Variants in TMEM25 observed in about 807,000 individuals in gnomAD.
TMEM25 encodes the protein transmembrane protein 25.
TMEM25 carries 36 observed loss-of-function variants against 37.0 expected under a neutral mutation model. The observed-to-expected ratio is 0.97, with a 90% CI of 0.75 to 1.28. The LOEUF is 1.28. Ranked by LOEUF, TMEM25 falls within the 50% of genes most tolerant of loss-of-function variation. The pLI, the probability that TMEM25 is intolerant of heterozygous loss-of-function variation, is 0.00. For missense variants in TMEM25, 444 were observed against 477.9 expected, an observed-to-expected ratio of 0.93 and a Z score of 0.66; for synonymous variants, 197 against 203.7, an observed-to-expected ratio of 0.97 and a Z score of 0.28.
downstream of TMEM25, among the ~76,000 whole-genome samples, chr11:118,537,362 C>T (rs1951524729): frequency 6.6e-6 from 1 of 151,870 alleles, no homozygotes; most frequent in Non-Finnish European, 1.5e-5. Flanking sequence ...TTCGTAGAGA[C>T]AGGGTCTCAC....
At position 118,534,239 on chromosome 11, in the gene TMEM25, C is replaced by T; in HGVS notation, c.938-27C>T. Reference sequence around the variant, plus strand: ...GGCCTCATCAGGCACACTCCTCGTCCTGAACACTGCCCTCTTTGTCAACCA... The same window carrying T: ...GGCCTCATCAGGCACACTCCTCGTCTTGAACACTGCCCTCTTTGTCAACCA... On this transcript the variant is annotated intron_variant, in intron 7 of 8. Coordinates refer to ENST00000313236, the MANE Select transcript of TMEM25 (RefSeq NM_032780.4). This position sits in a 1 kb window ranked among gnomAD's most constrained non-coding sequence, Gnocchi z 4.6. 1 of 1,614,130 alleles carries T rather than the reference C, an allele frequency of 6.2e-7. No individual in the cohort carries two copies. The highest frequency in any genetic ancestry group is 8.5e-7 in the Non-Finnish European group (1 of 1,179,982).
At chr11:118,539,164 A>ATTTT (rs1160816224), downstream of TMEM25, among the ~76,000 whole-genome samples, 230 of 100,560 alleles carry the variant, frequency 2.3e-3, 4 homozygotes, top group East Asian at 6.1e-3. Context: ...TTGGTCATAA[A>ATTTT]TTTTTTTTTT....
At chr11:118,545,740 C>G (rs1351507384) in intron 8 of TMEM25, 43 of 1,561,154 alleles carry the variant, frequency 2.8e-5, no homozygotes, top group Non-Finnish European at 3.7e-5. Flanking sequence ...TGTCCAAAAG[C>G]CTAGAGTGTC....
chr11:118,533,113 C>A lies in TMEM25; in HGVS notation c.579C>A (p.His193Gln). The change falls in exon 4 of 9, where the codon CAC becomes CAA. Residue 193 changes from histidine to glutamine, a missense_variant. His to Gln is a conservative substitution (Grantham distance 24, BLOSUM62 0). Transcript: ENST00000313236. ...DAQNYPWLTN[H>Q]TVQLQLRSLA... ...AGAACTACCCCTGGCTCACCAACCA[C>A]ACGGTGCAGCTGCAGCTCCGCAGCC... 6.2e-7 allele frequency: 1 copy of A among 1,613,464 alleles called. No individual in the cohort carries two copies. The highest frequency in any genetic ancestry group is 8.5e-7 in the Non-Finnish European group (1 of 1,180,038).
intron 8 of TMEM25, among the ~76,000 whole-genome samples, chr11:118,542,695 C>T (rs1443785634): frequency 1.3e-5 from 2 of 151,426 alleles, no homozygotes; most frequent in Non-Finnish European, 2.9e-5. Flanking sequence ...GGCAGATCAC[C>T]TAAAGGCAGG....
At position 118,533,374 on chromosome 11, in the gene TMEM25, C is replaced by T. The variant is rs150512773; in HGVS notation, c.674-46C>T. ...GAGTAGTACCTATGGCATGTTGGGGCTGGGGCACTACCCACTTGGGACCTG... is the reference window on the plus strand; with the variant it reads ...GAGTAGTACCTATGGCATGTTGGGGTTGGGGCACTACCCACTTGGGACCTG... On this transcript the variant is annotated intron_variant, in intron 4 of 8. Coordinates refer to ENST00000313236, the MANE Select transcript of TMEM25 (RefSeq NM_032780.4). 2.8e-3 allele frequency: 4,440 copies of T among 1,610,240 alleles called. 15 individuals carry two copies. The highest frequency in any genetic ancestry group is 3.3e-3 in the Non-Finnish European group (3,875 of 1,178,576).
Position 118,534,657 on chromosome 11 carries a change from G to A in TMEM25, c.*77G>A. On this transcript the variant is annotated 3_prime_UTR_variant, in exon 9 of 9. Coordinates refer to ENST00000313236, the MANE Select transcript of TMEM25 (RefSeq NM_032780.4). The surrounding 1 kb of genome is among the most constrained non-coding windows in gnomAD (Gnocchi z 4.6). Reference sequence around the variant, plus strand: ...CTCCAAGGCATCCTCTACCTAGCTAGGTCACCAACGTGAAGAAGTTATGCC... The same window carrying A: ...CTCCAAGGCATCCTCTACCTAGCTAAGTCACCAACGTGAAGAAGTTATGCC... 6.3e-7 allele frequency: 1 copy of A among 1,578,562 alleles called. No homozygotes were observed. The highest frequency in any genetic ancestry group is 8.6e-7 in the Non-Finnish European group (1 of 1,159,632).
Position 118,533,208 on chromosome 11 carries a change from G to C in TMEM25, c.673+1G>C. 6.3e-7 allele frequency: 1 copy of C among 1,588,354 alleles called. No homozygotes were observed. The highest frequency in any genetic ancestry group is 8.5e-7 in the Non-Finnish European group (1 of 1,171,024). The stretch of plus-strand genomic sequence containing the variant: ...ACCAGTGCGTCGCTTCCAGCCCCAG[G>C]TGAGCATGGCCAGCAAGCGGCCCTG... On this transcript the variant is annotated splice_donor_variant, in intron 4 of 8. Coordinates refer to ENST00000313236, the MANE Select transcript of TMEM25 (RefSeq NM_032780.4). LOFTEE classifies it high-confidence loss of function.
chr11:118,546,196 C>T (rs1555067108), exon 9 of TMEM25: 1 of 717,682 alleles, frequency 1.4e-6, no homozygotes, highest in Non-Finnish European at 2.6e-6. Context: ...GAAGAGACCC[C>T]TCAGAAGAAA....
chr11:118,535,517 T>A lies in TMEM25; in HGVS notation c.*937T>A. On this transcript the variant is annotated 3_prime_UTR_variant, in exon 9 of 9. Transcript: ENST00000313236. ...ATGGTTTTTCTCTCAGCATGTCTCC[T>A]CCACCACGGGACCCCAGCCCTGACC... 1 of 1,533,644 alleles carries A rather than the reference T, an allele frequency of 6.5e-7. No homozygotes were observed. Among genetic ancestry groups the A allele is most frequent in the Non-Finnish European group, 8.7e-7 (1 of 1,145,324 alleles).
At position 118,535,616 on chromosome 11, in the gene TMEM25, TGTGGAAGC is replaced by T. The variant is rs1555062971; in HGVS notation, c.*1037_*1044del. The stretch of plus-strand genomic sequence containing the variant: ...TCGCCACAGGCACATAATTCAACAG[TGTGGAAGC>T]TTTAGGGGAACATGGAGAAAGAAGG... On this transcript the variant is annotated 3_prime_UTR_variant, in exon 9 of 9. Transcript: ENST00000313236. 9.0e-7 allele frequency: 1 copy of T among 1,116,058 alleles called. No homozygotes were observed. Among genetic ancestry groups the T allele is most frequent in the East Asian group, 8.5e-5 (1 of 11,732 alleles). The allele number at this position is 1,116,058 out of a possible 1,614,324, so 69.1% of individuals were successfully genotyped here. A position where few individuals can be genotyped will look rare whatever the true frequency, so the allele number is the denominator to read the frequency against.
chr11:118,540,654 C>G (rs1396552750), downstream of TMEM25, among the ~76,000 whole-genome samples: 1 of 152,220 alleles, frequency 6.6e-6, no homozygotes, highest in African/African-American at 2.4e-5. Flanking sequence ...TCCCAATTCT[C>G]GATACACATC....
In TMEM25 at chr11:118,534,297, GAAC is replaced by G. The variant is rs1555061837; in HGVS notation, c.974_976del (p.Asn325del). The G allele has an allele frequency of 6.2e-7, 1 of 1,614,180 alleles. No individual in the cohort carries two copies. Among genetic ancestry groups the G allele is most frequent in the Admixed American group, 1.7e-5 (1 of 60,022 alleles). On this transcript the variant is annotated inframe_deletion, in exon 8 of 9. Coordinates refer to ENST00000313236, the MANE Select transcript of TMEM25 (RefSeq NM_032780.4). This position sits in a 1 kb window ranked among gnomAD's most constrained non-coding sequence, Gnocchi z 4.6. The stretch of plus-strand genomic sequence containing the variant: ...AACCAGCAGACCGGCAGATGGCTCA[GAAC>G]AACAGCCGGCCAGAGCTTCTGGACC...
At chr11:118,541,710 G>T (rs1951581569) in intron 8 of TMEM25, among the ~76,000 whole-genome samples, 2 of 152,006 alleles carry the variant, frequency 1.3e-5, no homozygotes, top group Non-Finnish European at 2.9e-5. Context: ...CACAGTGTCT[G>T]TTCTTCCCAT....
At chr11:118,540,349 G>A (rs541745286), downstream of TMEM25, among the ~76,000 whole-genome samples, 23 of 152,258 alleles carry the variant, frequency 1.5e-4, no homozygotes, top group African/African-American at 5.1e-4. Context: ...GGCTAAGGCC[G>A]TGCCAGCCAC....
Position 118,534,363 on chromosome 11 carries a change from G to A in TMEM25, c.1027+8G>A, listed in dbSNP as rs1555061986. 1 of 1,613,624 alleles carries A rather than the reference G, an allele frequency of 6.2e-7. No individual in the cohort carries two copies. Among genetic ancestry groups the A allele is most frequent in the South Asian group, 1.1e-5 (1 of 90,992 alleles). On this transcript the variant is annotated splice_region_variant and intron_variant, in intron 8 of 8. Transcript: ENST00000313236. The surrounding 1 kb of genome is among the most constrained non-coding windows in gnomAD (Gnocchi z 4.6). ...GCCTCCTCACCAGCCAAGGTACTGG[G>A]GAAGGGGCCTGCCACCCTCCTCCTC...
Position 118,533,511 on chromosome 11 carries a change from G to A in TMEM25, c.765G>A (p.Leu255=), listed in dbSNP as rs1396834127. 17 of 1,614,054 alleles carry A rather than the reference G, an allele frequency of 1.1e-5. No individual in the cohort carries two copies. The highest frequency in any genetic ancestry group is 1.4e-5 in the Non-Finnish European group (16 of 1,180,024). Residue 255 remains leucine, a synonymous_variant, in exon 5 of 9, where the codon TTG becomes TTA. Transcript: ENST00000313236. ...ALGTLVGFST[L]VACLVCRKEK... ...GCACCCTCGTGGGGTTCAGCACCTT[G>A]GTGGCCTGCCTGGTCTGCAGAAAAG...
At chr11:118,533,928 T>G (rs1555061414) in intron 6 of TMEM25, 41 bp downstream of exon 6, 4 of 1,614,012 alleles carry the variant, frequency 2.5e-6, no homozygotes. Context: ...CTAACCGAAA[T>G]GCAGGATGGG....
Position 118,533,141 on chromosome 11 carries a change from G to A in TMEM25, c.607G>A (p.Ala203Thr), listed in dbSNP as rs1555060472. Residue 203 changes from alanine (A) to threonine (T), a missense_variant, in exon 4 of 9, where the codon GCA becomes ACA. Ala to Thr is a moderately conservative substitution (Grantham distance 58). Coordinates refer to ENST00000313236, the MANE Select transcript of TMEM25 (RefSeq NM_032780.4). The part of the protein sequence containing the change: ...HTVQLQLRSL[A>T]HNLSVVATND... ...GGTGCAGCTGCAGCTCCGCAGCCTG[G>A]CACACAACCTCTCGGTGGTGGCCAC... 2 of 1,610,834 alleles carry A rather than the reference G, an allele frequency of 1.2e-6. No individual in the cohort carries two copies. Among genetic ancestry groups the A allele is most frequent in the Middle Eastern group, 1.7e-4 (1 of 6,060 alleles).
Sources: allele counts gnomAD v4.1 joint callset (sites outside exome capture counted in the v4.1 genomes callset), GRCh38; gene constraint gnomAD v4.1.1; non-coding constraint Gnocchi (gnomAD v3.1); transcripts MANE v1.5; gene names NCBI Gene and HGNC (gene_info 2026-07-23, HGNC 2026-07-21).